The following WWOX variants were observed in gnomAD, a reference collection of about 807,000 sequenced individuals.
WWOX encodes the protein WW domain containing oxidoreductase.
Under a neutral mutation model 46.2 loss-of-function variants are expected in WWOX, and 69 were observed. The ratio of observed to expected loss-of-function variants is 1.49; its 90% CI spans 1.23 to 1.82. WWOX has a LOEUF of 1.82. Among genes scored for constraint, WWOX ranks in the 40% most tolerant of loss-of-function variants. WWOX has a pLI of 0.00. For missense variants in WWOX, 919 were observed against 542.6 expected (o/e 1.69, Z -6.89); for synonymous variants, 359 against 202.6 (o/e 1.77, Z -6.56).
At chr16:78,885,725 G>A (rs1332631361) in intron 8 of WWOX, among the ~76,000 whole-genome samples, 2 of 152,108 alleles carry the variant, frequency 1.3e-5, no homozygotes, top group Non-Finnish European at 2.9e-5. Context: ...ACGAATGGCA[G>A]AAGATGAAGG....
At chr16:78,980,061 A>G (rs1001618724) in intron 8 of WWOX, among the ~76,000 whole-genome samples, 24 of 152,190 alleles carry the variant, frequency 1.6e-4, no homozygotes, top group Non-Finnish European at 3.4e-4. Flanking sequence ...TCAGAAGGCC[A>G]AGGTTGTAGT....
At chr16:78,321,660 C>G (rs2080485099) in intron 5 of WWOX, among the ~76,000 whole-genome samples, 1 of 151,978 alleles carries the variant, frequency 6.6e-6, no homozygotes, top group South Asian at 2.1e-4. Context: ...GAGTGGTACA[C>G]CAGAGTGCAT....
intron 8 of WWOX, among the ~76,000 whole-genome samples, chr16:78,633,499 T>C (rs2046490360): frequency 6.6e-6 from 1 of 152,212 alleles, no homozygotes. Flanking sequence ...TTTGGTTAGG[T>C]CCTGCCCGTG....
intron 8 of WWOX, among the ~76,000 whole-genome samples, chr16:78,610,932 C>T (rs566673181): frequency 1.4e-4 from 21 of 151,986 alleles, no homozygotes; most frequent in Non-Finnish European, 2.5e-4. Context: ...ACAGTGAGAA[C>T]GAACGGAATT....
intron 5 of WWOX, among the ~76,000 whole-genome samples, chr16:78,191,702 G>T (rs2035888690): frequency 6.6e-6 from 1 of 152,154 alleles, no homozygotes; most frequent in Non-Finnish European, 1.5e-5. Context: ...GAACAAGGCA[G>T]GTTCTTGATC....
chr16:78,225,334 A>G (rs112534412), intron 5 of WWOX, among the ~76,000 whole-genome samples: 1 of 152,210 alleles, frequency 6.6e-6, no homozygotes, highest in Non-Finnish European at 1.5e-5. Flanking sequence ...CATTGTGTAC[A>G]TAGTTCGTTA....
At chr16:78,537,698 C>T (rs1449760603) in intron 8 of WWOX, among the ~76,000 whole-genome samples, 1 of 152,060 alleles carries the variant, frequency 6.6e-6, no homozygotes, top group Non-Finnish European at 1.5e-5. Flanking sequence ...AGGGTCCCAG[C>T]TGCCACAGTT....
chr16:78,212,369 A>G (rs1297104968), intron 5 of WWOX, among the ~76,000 whole-genome samples: 1 of 152,238 alleles, frequency 6.6e-6, no homozygotes, highest in Non-Finnish European at 1.5e-5. Context: ...ATTCAAAAGG[A>G]CAGGGAAGTG....
At chr16:79,122,949 C>T (rs1408586000) in intron 8 of WWOX, among the ~76,000 whole-genome samples, 1 of 152,224 alleles carries the variant, frequency 6.6e-6, no homozygotes, top group Non-Finnish European at 1.5e-5. Context: ...GGGGCCTCGC[C>T]ATCCACATGG....
chr16:79,028,151 G>T (rs559883627), intron 8 of WWOX, among the ~76,000 whole-genome samples: 2 of 151,610 alleles, frequency 1.3e-5, no homozygotes, highest in Non-Finnish European at 1.5e-5. Flanking sequence ...GGGTTTCACC[G>T]TGTTACCCAG....
chr16:78,871,635 G>T (rs568920777), intron 8 of WWOX, among the ~76,000 whole-genome samples: 1 of 152,146 alleles, frequency 6.6e-6, no homozygotes, highest in Non-Finnish European at 1.5e-5. Flanking sequence ...GCTATTACCA[G>T]GTTGCTCAGG....
chr16:79,110,257 C>T (rs1597384754), intron 8 of WWOX, among the ~76,000 whole-genome samples: 4 of 152,120 alleles, frequency 2.6e-5, no homozygotes, highest in African/African-American at 9.7e-5. Context: ...TTGGTTGCAC[C>T]ACTAGAAATG....
intron 8 of WWOX, among the ~76,000 whole-genome samples, chr16:78,729,631 G>C (rs1018033343): frequency 1.2e-4 from 18 of 152,272 alleles, no homozygotes; most frequent in African/African-American, 4.3e-4. Flanking sequence ...AGGAAGCACA[G>C]TCCTGCTAAC....
At chr16:78,114,160 C>T (rs149183717) in intron 3 of WWOX, among the ~76,000 whole-genome samples, 1 of 147,436 alleles carries the variant, frequency 6.8e-6, no homozygotes, top group African/African-American at 2.5e-5. Flanking sequence ...TGCAGTGGCA[C>T]AATCATGGCT....
intron 8 of WWOX, among the ~76,000 whole-genome samples, chr16:79,063,814 G>C (rs577527641): frequency 2.0e-5 from 3 of 152,218 alleles, no homozygotes; most frequent in East Asian, 1.9e-4. Flanking sequence ...GGGACCTAAA[G>C]AGTTGGGAAA....
chr16:78,796,078 C>G (rs2737297), intron 8 of WWOX, among the ~76,000 whole-genome samples: 1 of 151,982 alleles, frequency 6.6e-6, no homozygotes, highest in African/African-American at 2.4e-5. Context: ...TTTAGACTGG[C>G]TAAGAGAATG....
intron 8 of WWOX, among the ~76,000 whole-genome samples, chr16:78,649,888 T>C (rs1271790603): frequency 1.3e-5 from 2 of 152,204 alleles, no homozygotes; most frequent in Non-Finnish European, 2.9e-5. Flanking sequence ...GGCACAGTAG[T>C]GGAAGCAGGA....
intron 8 of WWOX, among the ~76,000 whole-genome samples, chr16:78,939,231 C>G (rs535468314): frequency 6.6e-6 from 1 of 152,116 alleles, no homozygotes; most frequent in Non-Finnish European, 1.5e-5. Flanking sequence ...CTGCTAGACA[C>G]AGAATTGGGT....
At chr16:78,665,003 T>C (rs1266761357) in intron 8 of WWOX, among the ~76,000 whole-genome samples, 1 of 152,234 alleles carries the variant, frequency 6.6e-6, no homozygotes, top group Non-Finnish European at 1.5e-5. Context: ...AACTGACGTT[T>C]TCTGTGCAGC....
Sources: gnomAD v4.1 joint callset for allele counts (sites outside exome capture counted in the v4.1 genomes callset) on GRCh38, gnomAD v4.1.1 for gene constraint, MANE v1.5 for transcripts, NCBI Gene and HGNC (gene_info 2026-07-23, HGNC 2026-07-21) for gene names.